Variants in CARF observed in about 807,000 individuals in gnomAD.
CARF encodes the protein calcium-responsive transcription factor.
A neutral mutation model predicts 82.0 loss-of-function variants in CARF; 57 were observed. That is an observed-to-expected ratio of 0.70 (90% CI 0.56 to 0.87). The LOEUF is 0.87. CARF is among the 40% of genes least tolerant of loss of function. The pLI is 0.00. For missense variants in CARF, 771 were observed against 855.8 expected (o/e 0.90, Z 1.24); for synonymous variants, 268 against 290.1 (o/e 0.92, Z 0.77).
chr2:202,925,497 A>G (rs1691630570), intron 3 of CARF: 1 of 248,574 alleles, frequency 4.0e-6, no homozygotes, highest in Non-Finnish European at 8.1e-6. Flanking sequence ...AGTATTAGGA[A>G]TATGATCAAG....
At chr2:202,976,962 G>A (rs976421037) in intron 13 of CARF, among the ~76,000 whole-genome samples, 1 of 152,072 alleles carries the variant, frequency 6.6e-6, no homozygotes, top group Non-Finnish European at 1.5e-5. Context: ...CTCCAGCCTT[G>A]GCTTCCCAAG....
chr2:202,936,870 A>G (rs1694031157), intron 3 of CARF, among the ~76,000 whole-genome samples: 1 of 152,226 alleles, frequency 6.6e-6, no homozygotes, highest in South Asian at 2.1e-4. Flanking sequence ...AGAAACCATC[A>G]CCAAATGCAA....
At chr2:202,951,905 T>C (rs1389030341) in intron 5 of CARF, among the ~76,000 whole-genome samples, 1 of 151,770 alleles carries the variant, frequency 6.6e-6, no homozygotes, top group Non-Finnish European at 1.5e-5. Context: ...CGATCTCGGC[T>C]CACTGCAACC....
At chr2:202,973,854 G>A (rs1204179139) in intron 12 of CARF, among the ~76,000 whole-genome samples, 3 of 152,148 alleles carry the variant, frequency 2.0e-5, no homozygotes, top group Admixed American at 1.3e-4. Context: ...TTAGGAGGCC[G>A]AGGCGGGCGG....
intron 1 of CARF, among the ~76,000 whole-genome samples, chr2:202,916,451 G>A (rs1022265870): frequency 3.3e-5 from 5 of 152,104 alleles, no homozygotes; most frequent in African/African-American, 1.2e-4. Flanking sequence ...AAAGTGCTGG[G>A]ATTACAGGTG....
In CARF at chr2:202,987,145, T is replaced by C. The variant is rs1350288730; in HGVS notation, c.*3521T>C. On this transcript the variant is annotated 3_prime_UTR_variant, in exon 17 of 17. Transcript: ENST00000438828. ...ACAAGTAACTCCTGTTAGCATTACA[T>C]TTTGGGGAGACATATATGCATTTAA... 5.3e-5 allele frequency: 8 copies of C among 151,474 alleles called. No homozygotes were observed. Among genetic ancestry groups the C allele is most frequent in the Admixed American group, 4.6e-4 (7 of 15,130 alleles). 9.4% of individuals were successfully genotyped at this position (151,474 alleles called of 1,614,324 possible). A position where few individuals can be genotyped will look rare whatever the true frequency, so the allele number is the denominator to read the frequency against.
chr2:202,973,064 C>T (rs530547654), intron 12 of CARF, among the ~76,000 whole-genome samples: 2 of 152,180 alleles, frequency 1.3e-5, no homozygotes, highest in South Asian at 2.1e-4. Flanking sequence ...GCACCTGATT[C>T]GGTGTTTTCT....
At chr2:202,976,122 T>C (rs1027683027) in intron 13 of CARF, among the ~76,000 whole-genome samples, 1 of 152,160 alleles carries the variant, frequency 6.6e-6, no homozygotes, top group Admixed American at 6.5e-5. Context: ...CATACTTGAT[T>C]GCCCAAAGTG....
chr2:202,973,496 T>A (rs1179813096), intron 12 of CARF: 1 of 433,662 alleles, frequency 2.3e-6, no homozygotes, highest in Non-Finnish European at 4.6e-6. Flanking sequence ...TCATATTTCA[T>A]ATAATATTAA....
At chr2:202,928,985 C>T (rs1276759997) in intron 3 of CARF, among the ~76,000 whole-genome samples, 2 of 150,308 alleles carry the variant, frequency 1.3e-5, no homozygotes, top group African/African-American at 4.9e-5. Context: ...CAGCCTCAGC[C>T]TCCCAAAATG....
rs115456132 is a variant in CARF at position 202,928,364 on chromosome 2, G to C, written c.-44+3949G>C. Among the ~76,000 whole-genome samples the C allele has an allele frequency of 3.3e-3, 501 of 152,106 alleles. 4 individuals carry two copies. Among genetic ancestry groups the C allele is most frequent in the African/African-American group, 0.012 (483 of 41,496 alleles). On this transcript the variant is annotated intron_variant, in intron 3 of 16. Coordinates refer to ENST00000438828, the MANE Select transcript of CARF (RefSeq NM_024744.17). ...TATATATACCACATTTTCTTTACCA[G>C]TTTATCTGTTTACGGACACTTAGGT...
chr2:202,924,285 T>C lies in CARF; in HGVS notation c.-162-12T>C, dbSNP rs1189662413. On this transcript the variant is annotated splice_polypyrimidine_tract_variant and intron_variant, in intron 2 of 16. Transcript: ENST00000438828. ...GATTTTTTTCTTTTATATTTTGTAC[T>C]GTTTGTTTCAGGTTTAATATATCTT... 6.6e-6 allele frequency: 1 copy of C among 152,210 alleles called. No individual in the cohort carries two copies. The highest frequency in any genetic ancestry group is 1.5e-5 in the Non-Finnish European group (1 of 68,038). 9.4% of individuals were successfully genotyped at this position (152,210 alleles called of 1,614,324 possible).
chr2:202,953,987 C>T lies in CARF; in HGVS notation c.428-18C>T. ...TTCAAGATATTGATGTTACTTTGTT[C>T]TTGTTTTTGTTGTTAAGATGTCCCT... On this transcript the variant is annotated intron_variant, in intron 6 of 16. Transcript: ENST00000438828. The T allele has an allele frequency of 6.3e-7, 1 of 1,583,182 alleles. No individual in the cohort carries two copies.
At chr2:202,919,602 A>G (rs1283402447) in intron 2 of CARF, among the ~76,000 whole-genome samples, 1 of 152,192 alleles carries the variant, frequency 6.6e-6, no homozygotes, top group Non-Finnish European at 1.5e-5. Context: ...TACTGCTTCT[A>G]ATTAAATTTC....
intron 8 of CARF, among the ~76,000 whole-genome samples, chr2:202,960,251 G>C (rs2059245461): frequency 6.6e-6 from 1 of 151,966 alleles, no homozygotes; most frequent in South Asian, 2.1e-4. Flanking sequence ...CTCAGAGAAG[G>C]ATCTTCTTTT....
intron 11 of CARF, among the ~76,000 whole-genome samples, chr2:202,970,830 A>T (rs980445457): frequency 4.0e-5 from 6 of 151,526 alleles, no homozygotes; most frequent in Admixed American, 1.3e-4. Context: ...ATCCTACCAG[A>T]TTAGTTCATT....
intron 12 of CARF, 95 bp from the exon 13 acceptor site, chr2:202,974,239 A>G: frequency 1.2e-6 from 1 of 851,740 alleles, no homozygotes; most frequent in Non-Finnish European, 1.7e-6. Flanking sequence ...CATACTTTAT[A>G]GAAGTTTATA....
At position 202,943,621 on chromosome 2, in the gene CARF, CACACACACAT is replaced by C. The variant is rs1488244337; in HGVS notation, c.306+656_306+665del. On this transcript the variant is annotated intron_variant, in intron 5 of 16. Transcript: ENST00000438828. ...ACACACACACACACACACACACACA[CACACACACAT>C]ATTAGGCTAACTCCAGTTTTGTTTT... Among the ~76,000 whole-genome samples, 405 of 123,644 alleles carry C rather than the reference CACACACACAT, an allele frequency of 3.3e-3. 3 individuals carry two copies. The highest frequency in any genetic ancestry group is 0.022 in the Middle Eastern group (5 of 232). 81.1% of individuals were successfully genotyped at this position (123,644 alleles called of 152,430 possible). A position where few individuals can be genotyped will look rare whatever the true frequency, so the allele number is the denominator to read the frequency against.
chr2:202,918,357 A>G (rs1054643570), intron 2 of CARF, among the ~76,000 whole-genome samples: 4 of 151,978 alleles, frequency 2.6e-5, no homozygotes, highest in Admixed American at 1.3e-4. Context: ...CGTCTCTACT[A>G]AAATACAAAA....
Sources: allele counts gnomAD v4.1 joint callset (sites outside exome capture counted in the v4.1 genomes callset), GRCh38; gene constraint gnomAD v4.1.1; transcripts MANE v1.5; gene names NCBI Gene and HGNC (gene_info 2026-07-23, HGNC 2026-07-21).